SLC25A42: variants seen among roughly 807,000 people sequenced by gnomAD.
SLC25A42 encodes the protein mitochondrial coenzyme A transporter SLC25A42.
SLC25A42 carries 19 observed loss-of-function variants against 34.7 expected under a neutral mutation model. The ratio of observed to expected loss-of-function variants is 0.55; its 90% CI spans 0.38 to 0.80. The LOEUF (loss-of-function observed/expected upper bound fraction) is 0.80, where lower values mean the gene tolerates loss of function less well. SLC25A42 is among the 30% of genes least tolerant of loss of function. SLC25A42 has a pLI of 0.00. For missense variants in SLC25A42, 364 were observed against 441.3 expected (o/e 0.82, Z 1.57); for synonymous variants, 205 against 191.2 (o/e 1.07, Z -0.59).
chr19:19,105,547 C>A lies in SLC25A42; in HGVS notation c.214-14C>A. ...CAGAGGCAGAGGGATGTTGACCTTC[C>A]CGCTTATCTCCAGGAGGCCTTCCGG... On this transcript the variant is annotated splice_polypyrimidine_tract_variant and intron_variant, in intron 4 of 7. Coordinates refer to ENST00000318596, the MANE Select transcript of SLC25A42 (RefSeq NM_178526.5). 1.2e-6 allele frequency: 2 copies of A among 1,604,934 alleles called. No individual in the cohort carries two copies. The highest frequency in any genetic ancestry group is 1.7e-6 in the Non-Finnish European group (2 of 1,173,348).
rs566367763 is a variant in SLC25A42 at position 19,107,865 on chromosome 19, C to T, written c.498-29C>T. On this transcript the variant is annotated intron_variant, in intron 6 of 7. Transcript: ENST00000318596. ...TCCCTGTGCCTGGGAGGCCTGAGTCCCACCTGCTGGGCTGCTCTGTCCTGG... is the reference window on the plus strand; with the variant it reads ...TCCCTGTGCCTGGGAGGCCTGAGTCTCACCTGCTGGGCTGCTCTGTCCTGG... 7.4e-6 allele frequency: 12 copies of T among 1,612,984 alleles called. No homozygotes were observed. The East Asian group carries it at 2.2e-4, about 30-fold the overall frequency.
intron 1 of SLC25A42, among the ~76,000 whole-genome samples, chr19:19,069,229 T>C (rs1380427783): frequency 6.6e-6 from 1 of 152,196 alleles, no homozygotes; most frequent in African/African-American, 2.4e-5. Flanking sequence ...GCAGAATGCT[T>C]GGATTCCAGG....
chr19:19,097,580 G>C (rs2032676423), intron 2 of SLC25A42, among the ~76,000 whole-genome samples: 1 of 152,212 alleles, frequency 6.6e-6, no homozygotes, highest in African/African-American at 2.4e-5. Flanking sequence ...CCTCTGTACT[G>C]GCAGGCCCCA....
intron 1 of SLC25A42, among the ~76,000 whole-genome samples, chr19:19,094,158 A>C (rs2059752433): frequency 6.6e-6 from 1 of 152,086 alleles, no homozygotes; most frequent in Admixed American, 6.6e-5. Flanking sequence ...CCCTTTCCAG[A>C]CTGCACTCTT....
At chr19:19,101,698 T>G in intron 2 of SLC25A42, 83 bp from the exon 3 acceptor site, 1 of 1,240,868 alleles carries the variant, frequency 8.1e-7, no homozygotes, top group Non-Finnish European at 1.1e-6. Context: ...GCCCAGAGGG[T>G]GTAAGGAAGG....
chr19:19,091,250 A>G (rs1187665121), intron 1 of SLC25A42, among the ~76,000 whole-genome samples: 1 of 152,140 alleles, frequency 6.6e-6, no homozygotes, highest in African/African-American at 2.4e-5. Flanking sequence ...TGAGGTAAGG[A>G]GTTTGAGACC....
chr19:19,106,147 G>T, intron 5 of SLC25A42, 122 bp from the exon 6 acceptor site: 1 of 799,186 alleles, frequency 1.3e-6, no homozygotes, highest in South Asian at 1.7e-5. Context: ...AACCCGCCTC[G>T]TGTTCCTCGG....
At chr19:19,108,371 C>T (rs761793508) in intron 7 of SLC25A42, among the ~76,000 whole-genome samples, 10 of 151,984 alleles carry the variant, frequency 6.6e-5, no homozygotes, top group Admixed American at 3.3e-4. Flanking sequence ...GGCAACATGG[C>T]GAAACCCCGT....
intron 1 of SLC25A42, among the ~76,000 whole-genome samples, chr19:19,072,215 CA>C (rs2059634375): frequency 6.6e-6 from 1 of 152,200 alleles, no homozygotes; most frequent in Non-Finnish European, 1.5e-5. Flanking sequence ...AAAGCATACT[CA>C]ATAGGCCGGG....
chr19:19,067,450 G>A (rs935867391), intron 1 of SLC25A42, among the ~76,000 whole-genome samples: 2 of 152,092 alleles, frequency 1.3e-5, no homozygotes, highest in African/African-American at 4.8e-5. Flanking sequence ...CGGGCGTGGT[G>A]GCGTGCGTAA....
chr19:19,076,162 A>T (rs2059655196), intron 1 of SLC25A42, among the ~76,000 whole-genome samples: 1 of 152,124 alleles, frequency 6.6e-6, no homozygotes, highest in South Asian at 2.1e-4. Context: ...CACTGCTAAG[A>T]TCATCAACAG....
intron 1 of SLC25A42, among the ~76,000 whole-genome samples, chr19:19,071,600 C>T (rs901969521): frequency 2.0e-5 from 3 of 152,054 alleles, no homozygotes; most frequent in Non-Finnish European, 4.4e-5. Context: ...GGTGCGGTGG[C>T]TCACACCTGT....
chr19:19,080,953 A>G (rs1413452670), intron 1 of SLC25A42, among the ~76,000 whole-genome samples: 7 of 147,468 alleles, frequency 4.7e-5, no homozygotes, highest in African/African-American at 1.5e-4. Flanking sequence ...AGGGAGGGAG[A>G]GAGGGAAATT....
At position 19,064,131 on chromosome 19, in the gene SLC25A42, T is replaced by G. The variant is rs944593513; in HGVS notation, c.-35+16T>G. The G allele has an allele frequency of 6.6e-6, 1 of 152,326 alleles. No individual in the cohort carries two copies. The highest frequency in any genetic ancestry group is 2.4e-5 in the African/African-American group (1 of 41,402). 9.4% of individuals were successfully genotyped at this position (152,326 alleles called of 1,614,324 possible). A position where few individuals can be genotyped will look rare whatever the true frequency, so the allele number is the denominator to read the frequency against. ...CTGAACTGAGGTGAGGCACGGGTCC[T>G]GTCATGGATCCCGGGGCGAGGGGCG... On this transcript the variant is annotated intron_variant, in intron 1 of 7. Transcript: ENST00000318596.
intron 1 of SLC25A42, among the ~76,000 whole-genome samples, chr19:19,070,223 C>G (rs1027631047): frequency 5.9e-5 from 9 of 151,414 alleles, no homozygotes; most frequent in Non-Finnish European, 1.0e-4. Flanking sequence ...TCTCGATCTC[C>G]TGACCTTGTG....
intron 1 of SLC25A42, among the ~76,000 whole-genome samples, chr19:19,084,902 G>T (rs1488048265): frequency 6.7e-6 from 1 of 149,452 alleles, no homozygotes; most frequent in African/African-American, 2.5e-5. Context: ...TTCCAGATCA[G>T]CCTGGGCAAC....
At chr19:19,094,579 T>C (rs1022541594) in intron 1 of SLC25A42, among the ~76,000 whole-genome samples, 2 of 152,174 alleles carry the variant, frequency 1.3e-5, no homozygotes, top group East Asian at 3.9e-4. Context: ...CCAGAGCCAG[T>C]GCCCATGGGT....
At position 19,096,942 on chromosome 19, in the gene SLC25A42, C is replaced by CA. The variant is rs917126634; in HGVS notation, c.81+746dup. On this transcript the variant is annotated intron_variant, in intron 2 of 7. Transcript: ENST00000318596. Reference sequence around the variant, plus strand: ...ACAGGGTGAAACCCTGTCTCAAAAACAAAAAAAAAGAGCCAAATGCAGAGA... The same window carrying CA: ...ACAGGGTGAAACCCTGTCTCAAAAACAAAAAAAAAAGAGCCAAATGCAGAGA... Among the ~76,000 whole-genome samples, 39 of 150,300 alleles carry CA rather than the reference C, an allele frequency of 2.6e-4. No individual in the cohort carries two copies. The East Asian group carries it at 3.5e-3, about 13-fold the overall frequency.
chr19:19,085,851 G>A (rs2059705600), intron 1 of SLC25A42, among the ~76,000 whole-genome samples: 1 of 152,052 alleles, frequency 6.6e-6, no homozygotes, highest in Non-Finnish European at 1.5e-5. Flanking sequence ...GGGGAGAGGG[G>A]AGGGGAGGGG....
Sources: gnomAD v4.1 joint callset for allele counts (sites outside exome capture counted in the v4.1 genomes callset) on GRCh38, gnomAD v4.1.1 for gene constraint, MANE v1.5 for transcripts, NCBI Gene and HGNC (gene_info 2026-07-23, HGNC 2026-07-21) for gene names.